EXOG: variants seen among roughly 807,000 people sequenced by gnomAD.
EXOG encodes the protein nuclease EXOG, mitochondrial.
EXOG carries 27 observed loss-of-function variants against 25.8 expected under a neutral mutation model. That is an observed-to-expected ratio of 1.05 (90% CI 0.77 to 1.45). The LOEUF (loss-of-function observed/expected upper bound fraction) is 1.45. Among genes scored for constraint, EXOG ranks in the 40% most tolerant of loss-of-function variants. The pLI, the probability that EXOG is intolerant of heterozygous loss-of-function variation, is 0.00. For missense variants in EXOG, 458 were observed against 450.5 expected (o/e 1.02, Z -0.15); for synonymous variants, 133 against 167.0 (o/e 0.80, Z 1.57).
At chr3:38,515,145 A>G (rs1286662483) in intron 5 of EXOG, among the ~76,000 whole-genome samples, 1 of 152,112 alleles carries the variant, frequency 6.6e-6, no homozygotes, top group African/African-American at 2.4e-5. Context: ...GAGTCAATGG[A>G]TGATAACCTT....
chr3:38,507,003 G>A (rs775844985), intron 5 of EXOG, 35 bp downstream of exon 5: 1 of 891,964 alleles, frequency 1.1e-6, no homozygotes, highest in South Asian at 1.4e-5. Flanking sequence ...TATGTTATCT[G>A]TATGAGATTA....
At chr3:38,513,634 G>A (rs909711998) in intron 5 of EXOG, 17 of 151,944 alleles carry the variant, frequency 1.1e-4, no homozygotes, top group African/African-American at 2.4e-4. Flanking sequence ...TAGTTTTTTC[G>A]TGAAAATATA....
rs2060132347 is a variant in EXOG at position 38,504,236 on chromosome 3, C to T, written c.530+545C>T. ...TAAAAAATTAACCAAGTGTGGTGGT[C>T]CATGCCTGTATCCCAGCTACTCAGG... On this transcript the variant is annotated intron_variant, in intron 4 of 5. Coordinates refer to ENST00000287675, the MANE Select transcript of EXOG (RefSeq NM_005107.4). Among the ~76,000 whole-genome samples, 3 of 151,860 alleles carry T rather than the reference C, an allele frequency of 2.0e-5. No individual in the cohort carries two copies. In the South Asian group the frequency reaches 6.2e-4, roughly 32 times the overall value.
chr3:38,513,652 A>G (rs1165472369), intron 5 of EXOG: 1 of 152,094 alleles, frequency 6.6e-6, no homozygotes, highest in Non-Finnish European at 1.5e-5. Flanking sequence ...ATATTCTTGG[A>G]GCCCTCTGAC....
At chr3:38,510,735 G>A (rs2060342277) in intron 5 of EXOG, among the ~76,000 whole-genome samples, 1 of 151,036 alleles carries the variant, frequency 6.6e-6, no homozygotes, top group South Asian at 2.1e-4. Context: ...TATTAAAATA[G>A]TTTATCAGTG....
At chr3:38,514,747 C>T (rs2060478797) in intron 5 of EXOG, among the ~76,000 whole-genome samples, 1 of 148,738 alleles carries the variant, frequency 6.7e-6, no homozygotes, top group Non-Finnish European at 1.5e-5. Flanking sequence ...ATCTTAAATC[C>T]CTCTTTTCCA....
Position 38,526,147 on chromosome 3 carries a change from T to C in EXOG, c.*1785T>C. 2 of 985,360 alleles carry C rather than the reference T, an allele frequency of 2.0e-6. No individual in the cohort carries two copies. The highest frequency in any genetic ancestry group is 2.4e-6 in the Non-Finnish European group (2 of 829,900). 61.0% of individuals were successfully genotyped at this position (985,360 alleles called of 1,614,324 possible). ...GAGTCCTTTCATGGACTATCCTGAG[T>C]ATTGTCAGTAAAACGTCTTGGGGCA... On this transcript the variant is annotated 3_prime_UTR_variant, in exon 6 of 6. Transcript: ENST00000287675.
At chr3:38,517,979 A>T (rs2125794329) in intron 5 of EXOG, among the ~76,000 whole-genome samples, 1 of 152,336 alleles carries the variant, frequency 6.6e-6, no homozygotes, top group East Asian at 1.9e-4. Flanking sequence ...TTAAACCTAA[A>T]AATCTTTGGT....
In EXOG at chr3:38,501,446, G is replaced by T. The variant is rs150471797; in HGVS notation, c.405G>T (p.Gly135=). Residue 135 remains glycine (G), a synonymous_variant, in exon 3 of 6, where the codon GGG becomes GGT. Coordinates refer to ENST00000287675, the MANE Select transcript of EXOG (RefSeq NM_005107.4). ...TCAATGAAGATTATGTTGGAAGTGGGTGGTCACGAGGACACATGGCTCCAG... is the reference window on the plus strand; with the variant it reads ...TCAATGAAGATTATGTTGGAAGTGGTTGGTCACGAGGACACATGGCTCCAG... The part of the protein sequence containing the change: ...SAFNEDYVGS[G]WSRGHMAPAG... 2.7e-4 allele frequency: 434 copies of T among 1,613,950 alleles called. 1 individual carries two copies. The African/African-American group carries it at 5.5e-3, about 20-fold the overall frequency.
intron 4 of EXOG, among the ~76,000 whole-genome samples, chr3:38,504,463 T>G (rs1019106236): frequency 6.6e-5 from 10 of 152,112 alleles, no homozygotes; most frequent in Admixed American, 4.6e-4. Context: ...TGAGACAAAG[T>G]CTCACACTGT....
chr3:38,505,472 A>G (rs2060175684), intron 4 of EXOG: 1 of 152,220 alleles, frequency 6.6e-6, no homozygotes, highest in Admixed American at 6.5e-5. Flanking sequence ...AATAATTTAA[A>G]AAAATTTTTA....
intron 5 of EXOG, chr3:38,513,950 T>C (rs1248469659): frequency 6.6e-6 from 1 of 152,242 alleles, no homozygotes; most frequent in African/African-American, 2.4e-5. Flanking sequence ...GGAAGTGAGA[T>C]AGGGCAGAAG....
chr3:38,507,317 T>G (rs1462153882), intron 5 of EXOG, among the ~76,000 whole-genome samples: 1 of 152,164 alleles, frequency 6.6e-6, no homozygotes, highest in Non-Finnish European at 1.5e-5. Context: ...CAGGAACGCT[T>G]AAAAGAGGAA....
At chr3:38,501,797 G>A (rs1216140287) in intron 3 of EXOG, among the ~76,000 whole-genome samples, 3 of 152,218 alleles carry the variant, frequency 2.0e-5, no homozygotes, top group Non-Finnish European at 4.4e-5. Context: ...CCAGGTCGGA[G>A]CACAGTGGCT....
chr3:38,497,208 TC>T, intron 1 of EXOG: 26 of 1,008,874 alleles, frequency 2.6e-5, no homozygotes, highest in Non-Finnish European at 3.0e-5. Flanking sequence ...TGAGAAGGCA[TC>T]GGGGAGGATT....
intron 5 of EXOG, among the ~76,000 whole-genome samples, chr3:38,519,572 T>C (rs2060645120): frequency 6.6e-6 from 1 of 152,232 alleles, no homozygotes; most frequent in Non-Finnish European, 1.5e-5. Context: ...AGTCTCTTGC[T>C]TTATATTTAG....
intron 1 of EXOG, 63 bp downstream of exon 1, chr3:38,496,593 A>C (rs2059895967): frequency 6.4e-7 from 1 of 1,565,190 alleles, no homozygotes. Flanking sequence ...TCCTACCTGG[A>C]GTGTGAATGG....
At position 38,525,722 on chromosome 3, in the gene EXOG, C is replaced by T. The variant is rs141290490; in HGVS notation, c.*1360C>T. 3,722 of 742,718 alleles carry T rather than the reference C, an allele frequency of 5.0e-3. 17 individuals are homozygous for T. The highest frequency in any genetic ancestry group is 5.8e-3 in the Non-Finnish European group (3,531 of 608,570). The allele number at this position is 742,718 out of a possible 1,614,324, so 46.0% of individuals were successfully genotyped here. ...CTTTGGGAAATCGAGGTGGGTGGAT[C>T]GCTTGAGCCCAGGAGTTTGAGACCA... On this transcript the variant is annotated 3_prime_UTR_variant, in exon 6 of 6. Transcript: ENST00000287675.
chr3:38,509,438 A>G (rs549968547), intron 5 of EXOG, among the ~76,000 whole-genome samples: 1 of 152,206 alleles, frequency 6.6e-6, no homozygotes, highest in Non-Finnish European at 1.5e-5. Context: ...GTTGGATATA[A>G]TTTTTAAAAA....
Sources: gnomAD v4.1 joint callset for allele counts (sites outside exome capture counted in the v4.1 genomes callset) on GRCh38, gnomAD v4.1.1 for gene constraint, MANE v1.5 for transcripts, NCBI Gene and HGNC (gene_info 2026-07-23, HGNC 2026-07-21) for gene names.